STAU2: variants seen among roughly 807,000 people sequenced by gnomAD.
STAU2 encodes staufen double-stranded RNA binding protein 2, also known as double-stranded RNA-binding protein Staufen homolog 2.
Under a neutral mutation model 65.9 loss-of-function variants are expected in STAU2, and 20 were observed. The observed-to-expected ratio is 0.30, with a 90% CI of 0.21 to 0.44. The LOEUF (loss-of-function observed/expected upper bound fraction) is 0.44, where lower values mean the gene tolerates loss of function less well. STAU2 is among the 20% of genes least tolerant of loss of function. The pLI is 1.00. For missense variants in STAU2, 558 were observed against 683.9 expected (o/e 0.82, Z 2.05); for synonymous variants, 232 against 233.9 (o/e 0.99, Z 0.07).
chr8:73,627,302 A>G (rs1813754942), intron 6 of STAU2, among the ~76,000 whole-genome samples: 1 of 141,578 alleles, frequency 7.1e-6, no homozygotes, highest in Admixed American at 7.8e-5. Context: ...AGTCTTCCTA[A>G]TGGGGTCTAG....
Position 73,673,227 on chromosome 8 carries a change from G to T in STAU2, c.290C>A (p.Thr97Asn). 6.3e-7 allele frequency: 1 copy of T among 1,590,682 alleles called. No homozygotes were observed. The highest frequency in any genetic ancestry group is 8.6e-7 in the Non-Finnish European group (1 of 1,169,436). Residue 97 changes from threonine to asparagine, a missense_variant, in exon 6 of 15, where the codon ACT (threonine) becomes AAT (asparagine). Thr to Asn is a moderately conservative substitution (Grantham distance 65). Coordinates refer to ENST00000524300, the MANE Select transcript of STAU2 (RefSeq NM_001164380.2). ...VNNNPGSITP[T>N]VELNGLAMKR... is the part of the protein sequence containing the mutation. ...CATAGCAAGCCCATTCAGTTCCACAGTTGGAGTTATACTGCCTGTTTAAAA... is the reference window on the plus strand; with the variant it reads ...CATAGCAAGCCCATTCAGTTCCACATTTGGAGTTATACTGCCTGTTTAAAA...
intron 11 of STAU2, 68 bp downstream of exon 11, chr8:73,595,098 G>A: frequency 7.6e-7 from 1 of 1,324,262 alleles, no homozygotes; most frequent in Non-Finnish European, 1.0e-6. Context: ...TATCAGTTAA[G>A]ATCAAAATTT....
intron 12 of STAU2, among the ~76,000 whole-genome samples, chr8:73,565,196 G>T (rs914955457): frequency 6.6e-6 from 1 of 152,198 alleles, no homozygotes; most frequent in East Asian, 1.9e-4. Context: ...GGAGGGGCCT[G>T]GTGGGAGGTG....
rs11452845 is a variant in STAU2, at chr8:73,443,849, T to TAA, written c.1531-21149_1531-21148dup. Reference sequence around the variant, plus strand: ...GGTGACAGAGTGACACCCTGTCTCTTAAAAAAAAAAAAAAGTAGTGACTTG... The same window carrying TAA: ...GGTGACAGAGTGACACCCTGTCTCTTAAAAAAAAAAAAAAAAGTAGTGACTTG... On this transcript the variant is annotated intron_variant, in intron 13 of 14. Transcript: ENST00000524300. Among the ~76,000 whole-genome samples, 557 of 143,536 alleles carry TAA rather than the reference T, an allele frequency of 3.9e-3. 5 individuals are homozygous for TAA. Among genetic ancestry groups the TAA allele is most frequent in the African/African-American group, 0.013 (498 of 38,120 alleles). The allele number at this position is 143,536 out of a possible 152,430, so 94.2% of individuals were successfully genotyped here. A position where few individuals can be genotyped will look rare whatever the true frequency, so the allele number is the denominator to read the frequency against.
chr8:73,516,471 C>T (rs932448059), intron 13 of STAU2, among the ~76,000 whole-genome samples: 1 of 151,638 alleles, frequency 6.6e-6, no homozygotes, highest in African/African-American at 2.4e-5. Context: ...AGGATGCAAA[C>T]GAGAAGCCAA....
At chr8:73,497,769 T>C (rs1251007003) in intron 13 of STAU2, among the ~76,000 whole-genome samples, 1 of 148,786 alleles carries the variant, frequency 6.7e-6, no homozygotes, top group Non-Finnish European at 1.5e-5. Context: ...TACTATAATC[T>C]TTTGACCCTT....
Position 73,630,955 on chromosome 8 carries a change from C to T in STAU2, c.411-13504G>A, listed in dbSNP as rs78244921. On this transcript the variant is annotated intron_variant, in intron 6 of 14. Transcript: ENST00000524300. ...AGAATCTCTAGACTTTCATTTCACA[C>T]GCTCAGTGGCACCCCTAGTTTCCCA... is the stretch of plus-strand genomic sequence containing the variant. Among the ~76,000 whole-genome samples the T allele has an allele frequency of 4.4e-3, 677 of 152,288 alleles. 7 individuals carry two copies. The highest frequency in any genetic ancestry group is 0.015 in the African/African-American group (605 of 41,550).
chr8:73,627,208 C>CGGGGGGGGGGGGG (rs965072522), intron 6 of STAU2, among the ~76,000 whole-genome samples: 1 of 2,280 alleles, frequency 4.4e-4, no homozygotes, highest in African/African-American at 5.7e-4. Context: ...AGGAATACGG[C>CGGGGGGGGGGGGG]GGGGGGGGGG....
At chr8:73,599,592 G>A (rs946168531) in intron 10 of STAU2, among the ~76,000 whole-genome samples, 2 of 152,168 alleles carry the variant, frequency 1.3e-5, no homozygotes, top group South Asian at 2.1e-4. Context: ...CAGCTATACA[G>A]CATGATACTC....
chr8:73,738,160 G>A, intron 3 of STAU2, 124 bp downstream of exon 3: 1 of 845,802 alleles, frequency 1.2e-6, no homozygotes, highest in Non-Finnish European at 2.0e-6. Context: ...TATACAGTAG[G>A]TAACTGCTTT....
At chr8:73,486,928 C>T (rs1284406946) in intron 13 of STAU2, among the ~76,000 whole-genome samples, 1 of 152,062 alleles carries the variant, frequency 6.6e-6, no homozygotes, top group Non-Finnish European at 1.5e-5. Context: ...GCTGGCATTA[C>T]AGGCACAAGC....
intron 13 of STAU2, among the ~76,000 whole-genome samples, chr8:73,519,414 A>C (rs1397462069): frequency 6.6e-6 from 1 of 152,206 alleles, no homozygotes; most frequent in African/African-American, 2.4e-5. Flanking sequence ...ACTAATAAGG[A>C]GGCTGCCCCT....
At chr8:73,670,175 G>A (rs1417052684) in intron 6 of STAU2, among the ~76,000 whole-genome samples, 2 of 152,122 alleles carry the variant, frequency 1.3e-5, no homozygotes, top group East Asian at 3.9e-4. Flanking sequence ...ACAACTACAA[G>A]AGAAATGTGT....
intron 6 of STAU2, among the ~76,000 whole-genome samples, chr8:73,630,308 A>T (rs753406471): frequency 2.0e-5 from 3 of 152,236 alleles, no homozygotes. Flanking sequence ...CTAAGCTGAG[A>T]ACTATCCAAT....
chr8:73,567,706 TGCCTGGCAA>T (rs1234236591), intron 12 of STAU2, among the ~76,000 whole-genome samples: 3 of 151,994 alleles, frequency 2.0e-5, no homozygotes, highest in Non-Finnish European at 4.4e-5. Context: ...TGCCACACCA[TGCCTGGCAA>T]ATTTTTGTAT....
chr8:73,675,539 C>G (rs1341515550), intron 5 of STAU2: 1 of 152,170 alleles, frequency 6.6e-6, no homozygotes, highest in African/African-American at 2.4e-5. Context: ...TGGGACAAGT[C>G]AATCTCAGGC....
chr8:73,709,332 A>G (rs1820730151), intron 3 of STAU2, among the ~76,000 whole-genome samples, 170 bp from the exon 4 acceptor site: 1 of 152,154 alleles, frequency 6.6e-6, no homozygotes, highest in Non-Finnish European at 1.5e-5. Flanking sequence ...AGAAATATGT[A>G]TCACATTTTA....
At chr8:73,451,168 T>C (rs1256285859) in intron 13 of STAU2, among the ~76,000 whole-genome samples, 1 of 152,198 alleles carries the variant, frequency 6.6e-6, no homozygotes, top group Non-Finnish European at 1.5e-5. Context: ...CCAGCAGCTC[T>C]TTCATAATTT....
At position 73,715,630 on chromosome 8, in the gene STAU2, C is replaced by T. The variant is rs181789693; in HGVS notation, c.-17-6468G>A. Among the ~76,000 whole-genome samples, 9 of 151,876 alleles carry T rather than the reference C, an allele frequency of 5.9e-5. No homozygotes were observed. In the East Asian group the frequency reaches 1.7e-3, roughly 29 times the overall value. On this transcript the variant is annotated intron_variant, in intron 3 of 14. Transcript: ENST00000524300. ...AAATTAGTACAAAATTTCTGATGGG[C>T]AACATTGATTAAAGTTTCAATTGTA...
Sources: allele counts gnomAD v4.1 joint callset (sites outside exome capture counted in the v4.1 genomes callset), GRCh38; gene constraint gnomAD v4.1.1; transcripts MANE v1.5; gene names NCBI Gene and HGNC (gene_info 2026-07-23, HGNC 2026-07-21).